The following CRADD variants were observed in gnomAD, a reference collection of about 807,000 sequenced individuals.
CRADD encodes death domain-containing protein CRADD.
Under a neutral mutation model 15.5 loss-of-function variants are expected in CRADD, and 9 were observed. That is an observed-to-expected ratio of 0.58 (90% CI 0.35 to 1.01). The LOEUF (loss-of-function observed/expected upper bound fraction) is 1.01. Among genes scored for constraint, CRADD ranks in the 50% least tolerant of loss-of-function variants. CRADD has a pLI of 0.02. For synonymous variants in CRADD, 118 were observed against 107.6 expected (o/e 1.10, Z -0.60); for missense variants, 227 against 250.3 (o/e 0.91, Z 0.63).
At chr12:93,779,247 G>A (rs1433791730) in intron 2 of CRADD, among the ~76,000 whole-genome samples, 23 of 152,100 alleles carry the variant, frequency 1.5e-4, no homozygotes, top group Non-Finnish European at 1.5e-5. Context: ...GATTGAGGAG[G>A]CAATGAGATG....
intron 2 of CRADD, among the ~76,000 whole-genome samples, chr12:93,769,427 G>A (rs775005972): frequency 2.0e-4 from 30 of 152,174 alleles, no homozygotes; most frequent in Non-Finnish European, 4.0e-4. Flanking sequence ...TTCCAGTTGC[G>A]GGCTATTATG....
At chr12:93,735,753 A>G (rs1956555932) in intron 2 of CRADD, 1 of 152,138 alleles carries the variant, frequency 6.6e-6, no homozygotes, top group African/African-American at 2.4e-5. Flanking sequence ...GAAAGAAAAG[A>G]AAGAAATTGG....
At chr12:93,703,020 A>G (rs1955870072) in intron 2 of CRADD, among the ~76,000 whole-genome samples, 1 of 152,216 alleles carries the variant, frequency 6.6e-6, no homozygotes, top group African/African-American at 2.4e-5. Context: ...GTTTTAGAAC[A>G]GCATTTTACA....
chr12:93,798,200 G>A (rs536682407), intron 2 of CRADD, among the ~76,000 whole-genome samples: 1 of 152,156 alleles, frequency 6.6e-6, no homozygotes, highest in East Asian at 1.9e-4. Flanking sequence ...TTTTTTCCCA[G>A]GAAATGATAC....
intron 2 of CRADD, among the ~76,000 whole-genome samples, chr12:93,701,115 T>C (rs2136835675): frequency 6.6e-6 from 1 of 152,330 alleles, no homozygotes; most frequent in South Asian, 2.1e-4. Flanking sequence ...CATTTTTAAA[T>C]TCATTTCAGA....
rs142547842 is a variant in CRADD, at chr12:93,781,061, G to T, written c.299-68909G>T. On this transcript the variant is annotated intron_variant, in intron 2 of 2. Transcript: ENST00000332896. ...GTGAGCCACCGTGCCCAGCCTCTTG[G>T]TTACTTTTTTTTAAAGGTTCTCTTT... Among the ~76,000 whole-genome samples, 410 of 151,948 alleles carry T rather than the reference G, an allele frequency of 2.7e-3. 3 individuals carry two copies. Among genetic ancestry groups the T allele is most frequent in the African/African-American group, 9.4e-3 (391 of 41,450 alleles).
chr12:93,867,724 G>A (rs1192433325), intron 2 of CRADD, among the ~76,000 whole-genome samples: 5 of 152,110 alleles, frequency 3.3e-5, no homozygotes, highest in Non-Finnish European at 7.4e-5. Context: ...CATGGTAGAA[G>A]AACACTAGGA....
At chr12:93,866,215 T>C (rs372210690) in intron 2 of CRADD, among the ~76,000 whole-genome samples, 18 of 152,272 alleles carry the variant, frequency 1.2e-4, no homozygotes, top group African/African-American at 3.6e-4. Context: ...TTTTTGATGA[T>C]TTCATTTACC....
intron 2 of CRADD, among the ~76,000 whole-genome samples, chr12:93,860,112 T>G (rs1958307815): frequency 6.8e-6 from 1 of 147,514 alleles, no homozygotes; most frequent in South Asian, 2.2e-4. Flanking sequence ...ATTCTTCAAC[T>G]TTTAAGAGGC....
intron 2 of CRADD, among the ~76,000 whole-genome samples, chr12:93,891,420 G>A (rs925777916): frequency 6.6e-6 from 1 of 152,218 alleles, no homozygotes; most frequent in African/African-American, 2.4e-5. Flanking sequence ...CCTGGAGGCA[G>A]AGGTTGCAGT....
intron 2 of CRADD, among the ~76,000 whole-genome samples, chr12:93,722,617 A>G (rs1344215015): frequency 6.6e-6 from 1 of 152,134 alleles, no homozygotes; most frequent in Non-Finnish European, 1.5e-5. Flanking sequence ...CCAGTCTACT[A>G]ATAAGCCTAC....
At chr12:93,845,525 A>G (rs995766766) in intron 2 of CRADD, among the ~76,000 whole-genome samples, 1 of 151,894 alleles carries the variant, frequency 6.6e-6, no homozygotes, top group Non-Finnish European at 1.5e-5. Flanking sequence ...GGAGTTTGAG[A>G]CCAGCCTGGG....
chr12:93,797,110 C>T (rs1437773697), intron 2 of CRADD, among the ~76,000 whole-genome samples: 2 of 152,130 alleles, frequency 1.3e-5, no homozygotes, highest in Non-Finnish European at 2.9e-5. Context: ...GGGGAAAACA[C>T]TTTGATGAGT....
At chr12:93,699,738 G>C (rs886761183) in intron 2 of CRADD, among the ~76,000 whole-genome samples, 2 of 152,164 alleles carry the variant, frequency 1.3e-5, no homozygotes, top group African/African-American at 2.4e-5. Context: ...TAGAAGTGTA[G>C]CCTGTATTAG....
At chr12:93,711,396 G>A (rs547728417) in intron 2 of CRADD, among the ~76,000 whole-genome samples, 3 of 152,168 alleles carry the variant, frequency 2.0e-5, no homozygotes, top group Admixed American at 1.3e-4. Flanking sequence ...ACATAGGCAA[G>A]CAGAGGGATC....
intron 2 of CRADD, among the ~76,000 whole-genome samples, chr12:93,705,398 A>G (rs1304584661): frequency 6.6e-6 from 1 of 152,210 alleles, no homozygotes; most frequent in Non-Finnish European, 1.5e-5. Flanking sequence ...CTGAGGCAGG[A>G]CCATTTCAGA....
chr12:93,886,763 G>A (rs1202267026), intron 2 of CRADD, among the ~76,000 whole-genome samples: 2 of 152,166 alleles, frequency 1.3e-5, no homozygotes, highest in East Asian at 3.8e-4. Context: ...GGGTGAGTGT[G>A]GCCATCGAGA....
chr12:93,741,420 G>A (rs996930299), intron 2 of CRADD, among the ~76,000 whole-genome samples: 3 of 152,060 alleles, frequency 2.0e-5, no homozygotes, highest in South Asian at 2.1e-4. Context: ...GGATTATAGC[G>A]TCCTTTCCTA....
chr12:93,789,399 C>T (rs1957323946), intron 2 of CRADD, among the ~76,000 whole-genome samples: 1 of 152,146 alleles, frequency 6.6e-6, no homozygotes, highest in Non-Finnish European at 1.5e-5. Flanking sequence ...ATACAGTATT[C>T]GACTTCCAGT....
Sources: allele counts gnomAD v4.1 joint callset (sites outside exome capture counted in the v4.1 genomes callset), GRCh38; gene constraint gnomAD v4.1.1; transcripts MANE v1.5; gene names NCBI Gene and HGNC (gene_info 2026-07-23, HGNC 2026-07-21).